BEND3: variants seen among roughly 807,000 people sequenced by gnomAD.
BEND3 encodes BEN domain containing 3, also known as BEN domain-containing protein 3.
Under a neutral mutation model 60.1 loss-of-function variants are expected in BEND3, and 13 were observed. That is an observed-to-expected ratio of 0.22 (90% CI 0.14 to 0.34). The LOEUF (loss-of-function observed/expected upper bound fraction) is 0.34. BEND3 is among the 10% of genes least tolerant of loss of function. The pLI, the probability that BEND3 is intolerant of heterozygous loss-of-function variation, is 1.00. For missense variants in BEND3, 896 were observed against 1,138.1 expected (o/e 0.79, Z 3.06); for synonymous variants, 497 against 491.5 (o/e 1.01, Z -0.15).
intron 3 of BEND3, among the ~76,000 whole-genome samples, chr6:107,084,555 A>G (rs1650021839): frequency 1.3e-5 from 2 of 151,848 alleles, no homozygotes; most frequent in South Asian, 4.2e-4. Context: ...CACACCTATC[A>G]GCACTCTATA....
At position 107,069,467 on chromosome 6, in the gene BEND3, G is replaced by A. The variant is rs782415484; in HGVS notation, c.1724C>T (p.Ser575Leu). 7 of 1,612,444 alleles carry A rather than the reference G, an allele frequency of 4.3e-6. No homozygotes were observed. Among genetic ancestry groups the A allele is most frequent in the Admixed American group, 1.7e-5 (1 of 59,996 alleles). Residue 575 changes from serine to leucine, a missense_variant, in exon 4 of 4, where the codon TCG becomes TTG. This residue lies in a region of BEND3 where 846 missense variants were observed against 1,036.7 expected (regional missense o/e 0.82). Transcript: ENST00000369042. ...ESSLSIGNFA[S>L]RLLVHLFPEL... ...GGGGAACAGGTGCACCAGCAGGCGC[G>A]AGGCGAAGTTGCCGATGGACAGGCT...
chr6:107,094,392 G>T (rs577636383), intron 3 of BEND3, among the ~76,000 whole-genome samples: 1 of 151,888 alleles, frequency 6.6e-6, no homozygotes, highest in Admixed American at 6.6e-5. Flanking sequence ...GAGGCTGAGG[G>T]GGGTGGATCA....
intron 1 of BEND3, among the ~76,000 whole-genome samples, chr6:107,100,304 G>A (rs782426555): frequency 6.6e-5 from 10 of 152,080 alleles, no homozygotes; most frequent in African/African-American, 2.2e-4. Flanking sequence ...GTGCAGTGGC[G>A]CAATCTTGGC....
rs1027542516 is a variant in BEND3 at position 107,107,933 on chromosome 6, T to A, written c.-12+7157A>T. Among the ~76,000 whole-genome samples, 163 of 152,282 alleles carry A rather than the reference T, an allele frequency of 1.1e-3. 1 individual carries two copies. Among genetic ancestry groups the A allele is most frequent in the Non-Finnish European group, 3.2e-4 (22 of 68,010 alleles). ...GGACAGGAGGAATGTTCCCATGCCATCCACTCTGGTGCCGCGGGTCTCTGG... is the reference window on the plus strand; with the variant it reads ...GGACAGGAGGAATGTTCCCATGCCAACCACTCTGGTGCCGCGGGTCTCTGG... On this transcript the variant is annotated intron_variant, in intron 1 of 3. Transcript: ENST00000369042.
At chr6:107,108,942 C>A (rs1775880636) in intron 1 of BEND3, among the ~76,000 whole-genome samples, 1 of 152,088 alleles carries the variant, frequency 6.6e-6, no homozygotes, top group South Asian at 2.1e-4. Flanking sequence ...GTAGCTGGGA[C>A]AACAGTCATG....
chr6:107,104,731 T>C (rs772711924), intron 1 of BEND3, among the ~76,000 whole-genome samples: 7 of 151,882 alleles, frequency 4.6e-5, no homozygotes, highest in Non-Finnish European at 1.0e-4. Flanking sequence ...TGCAGTGGTA[T>C]GATCGTGTCT....
chr6:107,078,267 T>C (rs970382777), intron 3 of BEND3, among the ~76,000 whole-genome samples: 1 of 151,980 alleles, frequency 6.6e-6, no homozygotes, highest in Admixed American at 6.6e-5. Flanking sequence ...TGCACTTTCC[T>C]TGGGGCAGGG....
At chr6:107,100,899 A>T (rs1345674522) in intron 1 of BEND3, among the ~76,000 whole-genome samples, 1 of 152,120 alleles carries the variant, frequency 6.6e-6, no homozygotes, top group African/African-American at 2.4e-5. Context: ...AGGACCAAGA[A>T]GTATCTCTTA....
At chr6:107,105,319 C>A (rs1775789461) in intron 1 of BEND3, among the ~76,000 whole-genome samples, 1 of 149,964 alleles carries the variant, frequency 6.7e-6, no homozygotes, top group South Asian at 2.1e-4. Flanking sequence ...TGCAGTGAGC[C>A]GAGATCGCGC....
At chr6:107,094,797 G>A (rs1427903214) in intron 3 of BEND3, among the ~76,000 whole-genome samples, 1 of 148,252 alleles carries the variant, frequency 6.7e-6, no homozygotes, top group Admixed American at 6.8e-5. Context: ...TGAGATTACA[G>A]TGAGCTGACT....
chr6:107,094,996 T>G (rs1252564591), intron 3 of BEND3, among the ~76,000 whole-genome samples: 2 of 151,896 alleles, frequency 1.3e-5, no homozygotes, highest in Non-Finnish European at 2.9e-5. Flanking sequence ...AATTTTTTTG[T>G]ATTTTTTGTA....
intron 1 of BEND3, among the ~76,000 whole-genome samples, chr6:107,108,453 A>G (rs1775869584): frequency 6.6e-6 from 1 of 152,240 alleles, no homozygotes; most frequent in Non-Finnish European, 1.5e-5. Flanking sequence ...GCATCCAGCC[A>G]TGTGACTGAC....
intron 3 of BEND3, among the ~76,000 whole-genome samples, chr6:107,073,034 A>C (rs1300145237): frequency 1.3e-5 from 2 of 151,540 alleles, no homozygotes; most frequent in Non-Finnish European, 2.9e-5. Context: ...TTTGGATAAT[A>C]GAATAATCTG....
rs577037195 is a variant in BEND3 at position 107,092,206 on chromosome 6, G to A, written c.240+6345C>T. Among the ~76,000 whole-genome samples, 26 of 150,600 alleles carry A rather than the reference G, an allele frequency of 1.7e-4. No individual in the cohort carries two copies. In the East Asian group the frequency reaches 2.6e-3, roughly 15 times the overall value. ...CGGGAGGCGGAGCTTGCAGTAAGCC[G>A]AGATCACACCACTGCACTCCCGCCT... On this transcript the variant is annotated intron_variant, in intron 3 of 3. Transcript: ENST00000369042.
chr6:107,084,286 T>A (rs1031989256), intron 3 of BEND3, among the ~76,000 whole-genome samples: 2 of 152,154 alleles, frequency 1.3e-5, no homozygotes, highest in Non-Finnish European at 2.9e-5. Context: ...AGAGTTAAAA[T>A]CTCCAAGGTT....
intron 3 of BEND3, among the ~76,000 whole-genome samples, chr6:107,078,591 A>G (rs1775151542): frequency 6.8e-6 from 1 of 147,642 alleles, no homozygotes; most frequent in Non-Finnish European, 1.5e-5. Context: ...AAGTGCTGGG[A>G]TTACAGGCGT....
rs1164003709 is a variant in BEND3, at chr6:107,067,245, G to A, written c.*1459C>T. On this transcript the variant is annotated 3_prime_UTR_variant, in exon 4 of 4. Coordinates refer to ENST00000369042, the MANE Select transcript of BEND3 (RefSeq NM_001367314.1). Reference sequence around the variant, plus strand: ...GCAAAATATTAAGCCATCCCACAGGGGTTCTATGACTACCCTGTGTGATTC... The same window carrying A: ...GCAAAATATTAAGCCATCCCACAGGAGTTCTATGACTACCCTGTGTGATTC... 1 of 152,140 alleles carries A rather than the reference G, an allele frequency of 6.6e-6. No individual in the cohort carries two copies. Among genetic ancestry groups the A allele is most frequent in the African/African-American group, 2.4e-5 (1 of 41,414 alleles). The allele number at this position is 152,140 out of a possible 1,614,324, so 9.4% of individuals were successfully genotyped here. A position where few individuals can be genotyped will look rare whatever the true frequency, so the allele number is the denominator to read the frequency against.
Position 107,069,352 on chromosome 6 carries a change from G to A in BEND3, c.1839C>T (p.Leu613=), listed in dbSNP as rs369808928. The stretch of plus-strand genomic sequence containing the variant: ...AGAGCAGCTGCACGTAGTGGCGGAT[G>A]AGCTTGATGCGGGAGGGGTCCAGCT... ...KKQLDPSRIK[L]IRHYVQLLYP... Residue 613 remains leucine, a synonymous_variant, in exon 4 of 4, where the codon CTC becomes CTT. Transcript: ENST00000369042. 5.7e-5 allele frequency: 92 copies of A among 1,612,746 alleles called. No homozygotes were observed. The highest frequency in any genetic ancestry group is 7.3e-5 in the Non-Finnish European group (86 of 1,179,840).
rs1775049987 is a variant in BEND3, at chr6:107,074,168, C to G, written c.241-3218G>C. ...CGGTGGCTCATGCCTGTAATCCCAG[C>G]ACTTTGGGAGGCCGAGGCGGGTGGA... On this transcript the variant is annotated intron_variant, in intron 3 of 3. Coordinates refer to ENST00000369042, the MANE Select transcript of BEND3 (RefSeq NM_001367314.1). 2.0e-5 allele frequency among the ~76,000 whole-genome samples: 3 copies of G among 152,198 alleles called. No homozygotes were observed. The South Asian group carries it at 6.2e-4, about 31-fold the overall frequency.
Sources: gnomAD v4.1 joint callset for allele counts (sites outside exome capture counted in the v4.1 genomes callset) on GRCh38, gnomAD v4.1.1 for gene constraint, gnomAD v4.1.1 regional missense constraint, MANE v1.5 for transcripts, NCBI Gene and HGNC (gene_info 2026-07-23, HGNC 2026-07-21) for gene names.